The following DIAPH1 variants were observed in gnomAD, a reference collection of about 807,000 sequenced individuals.
DIAPH1 encodes the protein protein diaphanous homolog 1.
In DIAPH1, 46 loss-of-function variants were observed where a neutral mutation model predicts 140.7. The ratio of observed to expected loss-of-function variants is 0.33; its 90% CI spans 0.26 to 0.42. The LOEUF is 0.42. DIAPH1 is among the 10% of genes least tolerant of loss of function. The probability of loss-of-function intolerance (pLI) is 1.00; values close to 1 mark genes in which losing one functional copy is unlikely to be tolerated. For missense variants in DIAPH1, 1,310 were observed against 1,558.7 expected (o/e 0.84, Z 2.69); for synonymous variants, 565 against 551.6 (o/e 1.02, Z -0.34).
chr5:141,577,908 CCT>C (rs1722600665), intron 11 of DIAPH1: 1 of 507,696 alleles, frequency 2.0e-6, no homozygotes, highest in Non-Finnish European at 3.6e-6. Flanking sequence ...TAAATTACTC[CCT>C]CTGTCAGTCC....
chr5:141,546,494 A>G (rs2099890814), intron 18 of DIAPH1, among the ~76,000 whole-genome samples: 1 of 151,478 alleles, frequency 6.6e-6, no homozygotes, highest in Non-Finnish European at 1.5e-5. Context: ...CGTCTCTACT[A>G]AAAATACAAA....
At position 141,612,701 on chromosome 5, in the gene DIAPH1, T is replaced by C. The variant is rs144577454; in HGVS notation, c.117+6097A>G. Among the ~76,000 whole-genome samples, 1,195 of 152,334 alleles carry C rather than the reference T, an allele frequency of 7.8e-3. 23 individuals are homozygous for C. Among genetic ancestry groups the C allele is most frequent in the African/African-American group, 0.027 (1,123 of 41,566 alleles). On this transcript the variant is annotated intron_variant, in intron 1 of 27. Coordinates refer to ENST00000389054, the MANE Select transcript of DIAPH1 (RefSeq NM_005219.5). ...AGGAAACTTGAAGGTGACTGCTATA[T>C]TCATTATCTTGACTATAGAAATGGT... is the stretch of plus-strand genomic sequence containing the variant.
rs561347655 is a variant in DIAPH1 at position 141,515,509 on chromosome 5, T to G, written c.*1342A>C. ...AAAAGTATCACCCTAAGCCAGAGAA[T>G]TGCAGCTTCCTGTGGTTGGGGCCAC... On this transcript the variant is annotated 3_prime_UTR_variant, in exon 28 of 28. Coordinates refer to ENST00000389054, the MANE Select transcript of DIAPH1 (RefSeq NM_005219.5). The G allele has an allele frequency of 6.6e-6, 1 of 152,354 alleles. No homozygotes were observed. The highest frequency in any genetic ancestry group is 1.9e-4 in the East Asian group (1 of 5,190). The allele number at this position is 152,354 out of a possible 1,614,324, so 9.4% of individuals were successfully genotyped here. A position where few individuals can be genotyped will look rare whatever the true frequency, so the allele number is the denominator to read the frequency against.
intron 18 of DIAPH1, among the ~76,000 whole-genome samples, chr5:141,553,016 T>C (rs1351116838): frequency 6.6e-6 from 1 of 152,180 alleles, no homozygotes; most frequent in Non-Finnish European, 1.5e-5. Flanking sequence ...GAGCCAGGCA[T>C]GGTGGCTCAC....
In DIAPH1 at chr5:141,573,674, T is replaced by C; in HGVS notation, c.2176A>G (p.Ile726Val). Reference protein sequence around the residue: ...PPPPLPGGPGIPPPPPFPGGP... With the variant: ...PPPPLPGGPGVPPPPPFPGGP... ...CCGGGAAATGGAGGAGGTGGAGGGA[T>C]TCCAGGACCACCAGGAAGAGGGGGA... is the stretch of plus-strand genomic sequence containing the variant. Residue 726 changes from isoleucine (I) to valine (V), a missense_variant, in exon 16 of 28, where the codon ATC becomes GTC. By Grantham distance (29) the Ile-to-Val change is conservative. Coordinates refer to ENST00000389054, the MANE Select transcript of DIAPH1 (RefSeq NM_005219.5). The C allele has an allele frequency of 6.2e-7, 1 of 1,603,640 alleles. No homozygotes were observed. The highest frequency in any genetic ancestry group is 8.5e-7 in the Non-Finnish European group (1 of 1,174,356).
intron 18 of DIAPH1, among the ~76,000 whole-genome samples, chr5:141,540,941 TC>T (rs2099889873): frequency 6.6e-6 from 1 of 152,048 alleles, no homozygotes; most frequent in South Asian, 2.1e-4. Context: ...TCGCCTATGG[TC>T]CCAGCTACTC....
chr5:141,603,034 G>C (rs1285493837), intron 1 of DIAPH1, among the ~76,000 whole-genome samples: 2 of 152,104 alleles, frequency 1.3e-5, no homozygotes, highest in Non-Finnish European at 2.9e-5. Context: ...TCTAGAAGAG[G>C]GGCACAAAAT....
intron 1 of DIAPH1, among the ~76,000 whole-genome samples, chr5:141,618,207 C>T (rs2099902993): frequency 6.6e-6 from 1 of 152,180 alleles, no homozygotes; most frequent in Non-Finnish European, 1.5e-5. Flanking sequence ...CCTGTAATCG[C>T]AAGGACAAAC....
intron 27 of DIAPH1, among the ~76,000 whole-genome samples, chr5:141,523,363 C>G (rs979919800): frequency 2.0e-5 from 3 of 152,192 alleles, no homozygotes; most frequent in South Asian, 2.1e-4. Flanking sequence ...ACATGAGGGG[C>G]AGACTTGCCT....
rs1342455765 is a variant in DIAPH1, at chr5:141,536,171, G to A, written c.2483-1738C>T. The A allele has an allele frequency of 6.4e-5, 23 of 358,570 alleles. 1 individual carries two copies. Among genetic ancestry groups the A allele is most frequent in the South Asian group, 1.8e-4 (8 of 44,472 alleles). 22.2% of individuals were successfully genotyped at this position (358,570 alleles called of 1,614,324 possible). A position where few individuals can be genotyped will look rare whatever the true frequency, so the allele number is the denominator to read the frequency against. On this transcript the variant is annotated intron_variant, in intron 18 of 27. Transcript: ENST00000389054. ...TCAAAAATTAGCCGGGCATGGTGGC[G>A]CGCACCTGTAGTCCCTGCTACTCAG... is the stretch of plus-strand genomic sequence containing the variant.
chr5:141,582,111 G>T, intron 7 of DIAPH1: 2 of 351,736 alleles, frequency 5.7e-6, no homozygotes, highest in Non-Finnish European at 5.3e-6. Flanking sequence ...AATTGAGCCT[G>T]TCCTCTGAAA....
At position 141,578,540 on chromosome 5, in the gene DIAPH1, C is replaced by A. The variant is rs751381728; in HGVS notation, c.1019G>T (p.Arg340Leu). 6.2e-7 allele frequency: 1 copy of A among 1,613,932 alleles called. No individual in the cohort carries two copies. Among genetic ancestry groups the A allele is most frequent in the Non-Finnish European group, 8.5e-7 (1 of 1,179,886 alleles). The change falls in exon 10 of 28, where the codon CGT becomes CTT. Residue 340 changes from arginine to leucine, a missense_variant. This residue lies in a region of DIAPH1 where 377 missense variants were observed against 497.1 expected (regional missense o/e 0.76). Transcript: ENST00000389054. ...CTGCAACACCTGATGTAGCCCCAAA[C>A]GCATCAGTTCACTTCTGATGTGAAC... ...FRVHIRSELM[R>L]LGLHQVLQDL... is the part of the protein sequence containing the mutation.
chr5:141,516,558 A>C lies in DIAPH1; in HGVS notation c.*293T>G. The C allele has an allele frequency of 2.2e-6, 1 of 457,670 alleles. No homozygotes were observed. The highest frequency in any genetic ancestry group is 4.1e-6 in the Non-Finnish European group (1 of 246,368). The allele number at this position is 457,670 out of a possible 1,614,324, so 28.4% of individuals were successfully genotyped here. On this transcript the variant is annotated 3_prime_UTR_variant, in exon 28 of 28. Coordinates refer to ENST00000389054, the MANE Select transcript of DIAPH1 (RefSeq NM_005219.5). ...TTGTCTGAGATGAGGCCCTCTGAGT[A>C]ACAGAGAGGAGACAGGGTTAAGGCA...
At chr5:141,604,253 A>C (rs2099900601) in intron 1 of DIAPH1, among the ~76,000 whole-genome samples, 1 of 152,260 alleles carries the variant, frequency 6.6e-6, no homozygotes, top group Admixed American at 6.5e-5. Context: ...AAACATTCTA[A>C]GGTTCCAATA....
intron 19 of DIAPH1, among the ~76,000 whole-genome samples, chr5:141,531,313 CTCTT>C (rs776157917): frequency 1.3e-5 from 2 of 151,428 alleles, no homozygotes; most frequent in Non-Finnish European, 2.9e-5. Context: ...CTCTCTCTCT[CTCTT>C]TTTTTTTTTT....
At chr5:141,597,527 G>C (rs1474988267) in intron 1 of DIAPH1, among the ~76,000 whole-genome samples, 1 of 152,102 alleles carries the variant, frequency 6.6e-6, no homozygotes, top group East Asian at 1.9e-4. Context: ...CCAAAATGAG[G>C]ATGCAAACCA....
intron 1 of DIAPH1, among the ~76,000 whole-genome samples, chr5:141,609,698 A>G (rs1005699007): frequency 6.6e-5 from 10 of 152,340 alleles, no homozygotes; most frequent in African/African-American, 2.4e-4. Flanking sequence ...CTAGTCTGGA[A>G]TGAATTAATT....
chr5:141,583,432 C>G (rs2099897076), intron 5 of DIAPH1, 53 bp downstream of exon 5: 11 of 1,613,940 alleles, frequency 6.8e-6, no homozygotes, highest in Middle Eastern at 1.7e-4. Context: ...CAATCACCAC[C>G]AGTGAAGTCC....
At chr5:141,595,140 G>A in intron 1 of DIAPH1, among the ~76,000 whole-genome samples, 1 of 152,038 alleles carries the variant, frequency 6.6e-6, no homozygotes, top group Non-Finnish European at 1.5e-5. Context: ...AAAAAGTAAA[G>A]AGAACTGTGG....
Sources: gnomAD v4.1 joint callset for allele counts (sites outside exome capture counted in the v4.1 genomes callset) on GRCh38, gnomAD v4.1.1 for gene constraint, gnomAD v4.1.1 regional missense constraint, MANE v1.5 for transcripts, NCBI Gene and HGNC (gene_info 2026-07-23, HGNC 2026-07-21) for gene names.